Variants in MMP16 observed in about 807,000 individuals in gnomAD.
MMP16 encodes the protein matrix metalloproteinase-16.
MMP16 carries 12 observed loss-of-function variants against 67.8 expected under a neutral mutation model. The observed-to-expected ratio is 0.18, with a 90% CI of 0.11 to 0.29. The LOEUF (loss-of-function observed/expected upper bound fraction) is 0.29, where lower values mean the gene tolerates loss of function less well. MMP16 is among the 10% of genes least tolerant of loss of function. MMP16 has a pLI of 1.00. For missense variants in MMP16, 475 were observed against 765.7 expected, an observed-to-expected ratio of 0.62 and a Z score of 4.48; for synonymous variants, 249 against 255.9, an observed-to-expected ratio of 0.97 and a Z score of 0.26.
At chr8:88,119,736 TA>T in intron 4 of MMP16, among the ~76,000 whole-genome samples, 1 of 152,198 alleles carries the variant, frequency 6.6e-6, no homozygotes, top group African/African-American at 2.4e-5. Context: ...TTTTTAATGC[TA>T]AAAATTTACT....
At chr8:88,175,301 C>T (rs1264216166) in intron 3 of MMP16, among the ~76,000 whole-genome samples, 1 of 152,128 alleles carries the variant, frequency 6.6e-6, no homozygotes, top group Non-Finnish European at 1.5e-5. Flanking sequence ...CACCCCAATT[C>T]CTGTCTGCAT....
At chr8:88,310,911 G>GC (rs1811285353) in intron 1 of MMP16, among the ~76,000 whole-genome samples, 1 of 152,024 alleles carries the variant, frequency 6.6e-6, no homozygotes, top group South Asian at 2.1e-4. Context: ...GTGGATGTGT[G>GC]TTTTTTTGTG....
chr8:88,198,758 T>C (rs1809295891), intron 1 of MMP16, among the ~76,000 whole-genome samples: 2 of 151,842 alleles, frequency 1.3e-5, no homozygotes, highest in Non-Finnish European at 2.9e-5. Context: ...AAATGAGCAA[T>C]GCATCACTGT....
chr8:88,090,797 A>G (rs187053094), intron 6 of MMP16, among the ~76,000 whole-genome samples: 1 of 152,054 alleles, frequency 6.6e-6, no homozygotes, highest in East Asian at 1.9e-4. Flanking sequence ...GGGCCTAGGT[A>G]ATACTGAAAT....
chr8:88,114,034 G>C (rs945396641), intron 6 of MMP16, among the ~76,000 whole-genome samples: 1 of 151,912 alleles, frequency 6.6e-6, no homozygotes, highest in Non-Finnish European at 1.5e-5. Flanking sequence ...TTCAGCTACT[G>C]ACTACCTCTC....
intron 4 of MMP16, among the ~76,000 whole-genome samples, chr8:88,146,032 T>C (rs1200025483): frequency 6.6e-6 from 1 of 152,022 alleles, no homozygotes; most frequent in East Asian, 1.9e-4. Flanking sequence ...CCTAATCATT[T>C]TTAATATCAT....
chr8:88,223,679 C>T (rs1326155364), intron 1 of MMP16, among the ~76,000 whole-genome samples: 1 of 113,136 alleles, frequency 8.8e-6, no homozygotes, highest in East Asian at 2.7e-4. Flanking sequence ...ACATCACACA[C>T]TGGGCCTGTC....
chr8:88,089,581 G>A (rs950225955), intron 6 of MMP16, among the ~76,000 whole-genome samples: 8 of 151,902 alleles, frequency 5.3e-5, no homozygotes, highest in African/African-American at 1.9e-4. Context: ...TAAGAAAACA[G>A]GAAATGAGGG....
Position 88,035,026 on chromosome 8 carries a change from TCTGTATTGTGA to T in MMP16, c.*6424_*6434del, listed in dbSNP as rs1332265911. The T allele has an allele frequency of 6.6e-6, 1 of 152,024 alleles. No individual in the cohort carries two copies. The highest frequency in any genetic ancestry group is 2.4e-5 in the African/African-American group (1 of 41,418). The allele number at this position is 152,024 out of a possible 1,614,324, so 9.4% of individuals were successfully genotyped here. A position where few individuals can be genotyped will look rare whatever the true frequency, so the allele number is the denominator to read the frequency against. ...CCACAGACCAAATACTACAGAAATG[TCTGTATTGTGA>T]CTGATATTTTTTTCATGTATAAAAA... On this transcript the variant is annotated 3_prime_UTR_variant, in exon 10 of 10. Coordinates refer to ENST00000286614, the MANE Select transcript of MMP16 (RefSeq NM_005941.5). The surrounding 1 kb of genome is among the most constrained non-coding windows in gnomAD (Gnocchi z 4.7).
At chr8:88,056,086 T>C (rs763123005) in intron 8 of MMP16, 42 bp downstream of exon 8, 9 of 1,371,960 alleles carry the variant, frequency 6.6e-6, no homozygotes, top group South Asian at 2.1e-5. Flanking sequence ...TTTCTAAACA[T>C]TGGTTAATTA....
intron 6 of MMP16, among the ~76,000 whole-genome samples, chr8:88,095,578 T>C (rs1809012441): frequency 1.3e-5 from 2 of 151,886 alleles, no homozygotes; most frequent in South Asian, 4.1e-4. Flanking sequence ...TATTTATAGA[T>C]ATTTGAAAGA....
At chr8:88,064,561 G>A (rs187320651) in intron 7 of MMP16, among the ~76,000 whole-genome samples, 5 of 152,010 alleles carry the variant, frequency 3.3e-5, no homozygotes, top group South Asian at 2.1e-4. Context: ...CTTGGAATTC[G>A]GGAAATAATG....
intron 1 of MMP16, among the ~76,000 whole-genome samples, chr8:88,286,941 G>T (rs1178499579): frequency 6.6e-6 from 1 of 151,936 alleles, no homozygotes; most frequent in Non-Finnish European, 1.5e-5. Flanking sequence ...CCCTTCTTTG[G>T]TGTCACTACC....
chr8:88,222,944 C>A (rs1809709417), intron 1 of MMP16, among the ~76,000 whole-genome samples: 1 of 152,130 alleles, frequency 6.6e-6, no homozygotes, highest in Non-Finnish European at 1.5e-5. Flanking sequence ...GCAATCCACC[C>A]ATCTGACAAA....
intron 1 of MMP16, among the ~76,000 whole-genome samples, chr8:88,266,643 T>A (rs1249225423): frequency 6.6e-6 from 1 of 152,146 alleles, no homozygotes; most frequent in East Asian, 1.9e-4. Context: ...TGAGGAAATT[T>A]TCTCGTAATA....
At chr8:88,244,656 T>C (rs537635821) in intron 1 of MMP16, among the ~76,000 whole-genome samples, 14 of 152,272 alleles carry the variant, frequency 9.2e-5, no homozygotes, top group Admixed American at 3.3e-4. Context: ...AGAGGCTACA[T>C]AGCTTGCCTA....
chr8:88,104,626 A>ATGAC (rs28906668), intron 6 of MMP16, among the ~76,000 whole-genome samples: 43,486 of 151,204 alleles, frequency 0.29, 6,302 homozygotes, highest in Middle Eastern at 0.3. Flanking sequence ...ATAATAATAA[A>ATGAC]TATGTTAATA....
chr8:88,235,589 A>T (rs933064542), intron 1 of MMP16, among the ~76,000 whole-genome samples: 3 of 152,102 alleles, frequency 2.0e-5, no homozygotes, highest in African/African-American at 7.2e-5. Context: ...ACTAGTAATA[A>T]TCCTACTAGG....
intron 1 of MMP16, among the ~76,000 whole-genome samples, chr8:88,299,145 C>T (rs558604205): frequency 2.0e-5 from 3 of 152,032 alleles, no homozygotes; most frequent in Non-Finnish European, 4.4e-5. Context: ...TCCTTTTTAC[C>T]TACACTCTGG....
Sources: gnomAD v4.1 joint callset for allele counts (sites outside exome capture counted in the v4.1 genomes callset) on GRCh38, gnomAD v4.1.1 for gene constraint, Gnocchi (gnomAD v3.1) non-coding constraint, MANE v1.5 for transcripts, NCBI Gene and HGNC (gene_info 2026-07-23, HGNC 2026-07-21) for gene names.